The following SYNE2 variants were observed in gnomAD, a reference collection of about 807,000 sequenced individuals.
SYNE2 encodes nesprin-2.
A neutral mutation model predicts 856.3 loss-of-function variants in SYNE2; 431 were observed. The ratio of observed to expected loss-of-function variants is 0.50; its 90% CI spans 0.47 to 0.55. The LOEUF is 0.55. Among genes scored for constraint, SYNE2 ranks in the 20% least tolerant of loss-of-function variants. The pLI is 0.00. For missense variants in SYNE2, 8,129 were observed against 8,023.2 expected (o/e 1.01, Z -0.50); for synonymous variants, 2,923 against 2,872.3 (o/e 1.02, Z -0.56).
intron 6 of SYNE2, 28 bp from the exon 7 acceptor site, chr14:63,949,797 A>G: frequency 6.2e-7 from 1 of 1,613,738 alleles, no homozygotes; most frequent in Non-Finnish European, 8.5e-7. Flanking sequence ...TGCTTTTATA[A>G]ACGTTAAGTC....
rs1334268656 is a variant in SYNE2 at position 63,933,992 on chromosome 14, CAG to C, written c.80-6621_80-6620del. Among the ~76,000 whole-genome samples, 11 of 152,220 alleles carry C rather than the reference CAG, an allele frequency of 7.2e-5. No homozygotes were observed. The East Asian group carries it at 1.9e-3, about 27-fold the overall frequency. The stretch of plus-strand genomic sequence containing the variant: ...GTATGAAAACGTGAGAAAAGTGTGT[CAG>C]GGGATAAATGGAATGGCACATATGA... On this transcript the variant is annotated intron_variant, in intron 2 of 115. Transcript: ENST00000555002.
chr14:64,056,385 AC>A, intron 49 of SYNE2, 119 bp downstream of exon 49: 1 of 846,036 alleles, frequency 1.2e-6, no homozygotes, highest in East Asian at 2.8e-5. Flanking sequence ...TGTCATTAAC[AC>A]CTATGCATTA....
Position 64,219,384 on chromosome 14 carries a change from A to G in SYNE2, c.19834A>G (p.Ile6612Val). 2 of 1,614,158 alleles carry G rather than the reference A, an allele frequency of 1.2e-6. No homozygotes were observed. The highest frequency in any genetic ancestry group is 2.2e-5 in the South Asian group (2 of 91,082). The change falls in exon 110 of 116, where the codon ATA (isoleucine) becomes GTA (valine). Residue 6612 changes from isoleucine (I) to valine (V), a missense_variant. This residue lies in a region of SYNE2 where 5,410 missense variants were observed against 5,284.8 expected (regional missense o/e 1.02). Coordinates refer to ENST00000555002, the MANE Select transcript of SYNE2 (RefSeq NM_182914.3). ...AAAGCCTCCCTCTGATATCCAGGAA[A>G]TAGAACTGAGAGTGAAGAGACTGCA... ...MAKPPSDIQEIELRVKRLQEI... is the reference protein window; with the variant it reads ...MAKPPSDIQEVELRVKRLQEI...
chr14:63,800,464 A>G (rs1888088964), intron 1 of SYNE2, among the ~76,000 whole-genome samples: 2 of 151,978 alleles, frequency 1.3e-5, no homozygotes, highest in South Asian at 4.2e-4. Flanking sequence ...CTAATTTTGT[A>G]TTTTAGTAGA....
chr14:64,009,900 TGCAAAG>T, intron 31 of SYNE2, 60 bp from the exon 32 acceptor site: 1 of 1,430,002 alleles, frequency 7.0e-7, no homozygotes, highest in Non-Finnish European at 9.8e-7. Context: ...GTGGGATACT[TGCAAAG>T]AGAAAGAACG....
At chr14:64,033,094 G>A (rs190733271) in intron 45 of SYNE2, among the ~76,000 whole-genome samples, 4 of 152,296 alleles carry the variant, frequency 2.6e-5, no homozygotes, top group East Asian at 1.9e-4. Flanking sequence ...CATGAGCCCC[G>A]AAGGTTGAGG....
chr14:63,982,279 A>G (rs533113107), intron 16 of SYNE2, among the ~76,000 whole-genome samples: 5 of 152,332 alleles, frequency 3.3e-5, no homozygotes, highest in Non-Finnish European at 7.4e-5. Context: ...TTCATCAGCC[A>G]TGTAGAAAGA....
chr14:63,980,938 TAAA>T (rs753124902), intron 15 of SYNE2, 45 bp from the exon 16 acceptor site: 1 of 1,308,692 alleles, frequency 7.6e-7, no homozygotes, highest in South Asian at 1.3e-5. Context: ...ATAGTATTAA[TAAA>T]AAATTGTTTT....
chr14:64,100,216 A>C (rs1331682928), intron 63 of SYNE2: 1 of 152,042 alleles, frequency 6.6e-6, no homozygotes, highest in East Asian at 1.9e-4. Flanking sequence ...CATTCTCAGT[A>C]AACTATCGCA....
chr14:64,210,508 C>A (rs1199704333), intron 103 of SYNE2, among the ~76,000 whole-genome samples: 1 of 152,110 alleles, frequency 6.6e-6, no homozygotes, highest in African/African-American at 2.4e-5. Flanking sequence ...TTTATGGGAC[C>A]CCCCCCAGCT....
At chr14:63,932,219 T>C (rs2095766624) in intron 2 of SYNE2, among the ~76,000 whole-genome samples, 1 of 150,670 alleles carries the variant, frequency 6.6e-6, no homozygotes, top group African/African-American at 2.4e-5. Context: ...CCGTCTCTAC[T>C]AAAAATACAA....
intron 1 of SYNE2, among the ~76,000 whole-genome samples, chr14:63,770,872 A>T (rs1886873052): frequency 6.6e-6 from 1 of 151,998 alleles, no homozygotes; most frequent in South Asian, 2.1e-4. Flanking sequence ...TACAGAAGTC[A>T]ATTTAAAAAA....
intron 1 of SYNE2, among the ~76,000 whole-genome samples, chr14:63,866,233 G>A (rs974239393): frequency 3.9e-5 from 6 of 152,128 alleles, no homozygotes; most frequent in African/African-American, 1.4e-4. Context: ...AACAAAACTC[G>A]AAACACCAAA....
At chr14:63,998,582 G>A (rs1015488439) in intron 26 of SYNE2, among the ~76,000 whole-genome samples, 1 of 151,534 alleles carries the variant, frequency 6.6e-6, no homozygotes, top group African/African-American at 2.4e-5. Flanking sequence ...AATATTTTAG[G>A]ACAGAGTGTC....
intron 7 of SYNE2, among the ~76,000 whole-genome samples, chr14:63,953,998 C>A (rs1334470570): frequency 6.6e-6 from 1 of 152,182 alleles, no homozygotes; most frequent in Non-Finnish European, 1.5e-5. Flanking sequence ...ACTGCAGCTT[C>A]AATCTCCCAT....
At chr14:63,866,132 C>T (rs1895258462) in intron 1 of SYNE2, among the ~76,000 whole-genome samples, 1 of 152,150 alleles carries the variant, frequency 6.6e-6, no homozygotes, top group Non-Finnish European at 1.5e-5. Flanking sequence ...CAACAAGAAA[C>T]ACCACTTAAG....
At chr14:63,809,309 C>A (rs1341337775) in intron 1 of SYNE2, among the ~76,000 whole-genome samples, 1 of 151,378 alleles carries the variant, frequency 6.6e-6, no homozygotes, top group African/African-American at 2.4e-5. Flanking sequence ...TTTCTAAGGT[C>A]TTTGATTACT....
In SYNE2 at chr14:64,189,334, C is replaced by CA. The variant is rs535544098; in HGVS notation, c.17871+638dup. Among the ~76,000 whole-genome samples the CA allele has an allele frequency of 5.2e-3, 686 of 132,302 alleles. 2 individuals are homozygous for CA. Among genetic ancestry groups the CA allele is most frequent in the African/African-American group, 0.016 (565 of 35,824 alleles). The allele number at this position is 132,302 out of a possible 152,430, so 86.8% of individuals were successfully genotyped here. A position where few individuals can be genotyped will look rare whatever the true frequency, so the allele number is the denominator to read the frequency against. ...GGGCAACAGAGCAAAAATTCCATCTCAAAAAAAAAAAAGAAGCTCCCCTTG... is the reference window on the plus strand; with the variant it reads ...GGGCAACAGAGCAAAAATTCCATCTCAAAAAAAAAAAAAGAAGCTCCCCTTG... On this transcript the variant is annotated intron_variant, in intron 98 of 115. Transcript: ENST00000555002.
At chr14:64,120,855 A>G (rs2097892974) in intron 67 of SYNE2, 72 bp from the exon 68 acceptor site, 1 of 1,520,826 alleles carries the variant, frequency 6.6e-7, no homozygotes, top group Admixed American at 1.7e-5. Context: ...ATGTAGTCCC[A>G]TTATTAGAAT....
Sources: allele counts gnomAD v4.1 joint callset (sites outside exome capture counted in the v4.1 genomes callset), GRCh38; gene constraint gnomAD v4.1.1; regional missense constraint gnomAD v4.1.1; transcripts MANE v1.5; gene names NCBI Gene and HGNC (gene_info 2026-07-23, HGNC 2026-07-21).